Variants in TMEM132B observed in about 807,000 individuals in gnomAD.
TMEM132B encodes the protein transmembrane protein 132B.
A neutral mutation model predicts 90.8 loss-of-function variants in TMEM132B; 18 were observed. That is an observed-to-expected ratio of 0.20 (90% CI 0.14 to 0.29). TMEM132B has a LOEUF of 0.29. Among genes scored for constraint, TMEM132B ranks in the 10% least tolerant of loss-of-function variants. The probability of loss-of-function intolerance (pLI) is 1.00; values close to 1 mark genes in which losing one functional copy is unlikely to be tolerated. For synonymous variants in TMEM132B, 504 were observed against 523.3 expected (o/e 0.96, Z 0.50); for missense variants, 1,096 against 1,326.8 (o/e 0.83, Z 2.70).
Position 125,232,684 on chromosome 12 carries a change from C to G in TMEM132B, c.67+45818C>G, listed in dbSNP as rs1275695510. 5.3e-5 allele frequency among the ~76,000 whole-genome samples: 8 copies of G among 152,280 alleles called. No homozygotes were observed. In the East Asian group the frequency reaches 7.7e-4, roughly 15 times the overall value. On this transcript the variant is annotated intron_variant, in intron 1 of 8. Coordinates refer to ENST00000682704, the MANE Select transcript of TMEM132B (RefSeq NM_001366854.1). The stretch of plus-strand genomic sequence containing the variant: ...CAAAGTCACATTGTGCATTTTTTCT[C>G]TCTCATAAATGTGTAAGTAGCTCTC...
intron 1 of TMEM132B, among the ~76,000 whole-genome samples, chr12:125,189,264 T>C (rs1161679759): frequency 2.6e-5 from 4 of 152,232 alleles, no homozygotes; most frequent in Non-Finnish European, 4.4e-5. Flanking sequence ...TCGAGCCACT[T>C]TTGTACATGC....
At chr12:125,494,312 GC>G (rs1882456711) in intron 3 of TMEM132B, among the ~76,000 whole-genome samples, 1 of 71,578 alleles carries the variant, frequency 1.4e-5, no homozygotes, top group Non-Finnish European at 2.6e-5. Context: ...AAATGGCCAC[GC>G]CCCTCCTCCC....
chr12:125,350,428 A>G, intron 2 of TMEM132B, 85 bp downstream of exon 2: 5 of 1,446,058 alleles, frequency 3.5e-6, no homozygotes, highest in Admixed American at 2.2e-5. Context: ...GGTGTTGATC[A>G]TTTGCTGACT....
At chr12:125,346,068 G>T (rs377063200) in intron 1 of TMEM132B, among the ~76,000 whole-genome samples, 26 of 152,282 alleles carry the variant, frequency 1.7e-4, no homozygotes, top group African/African-American at 6.3e-4. Context: ...TGACGTTTAT[G>T]GCTTTCCATA....
intron 1 of TMEM132B, among the ~76,000 whole-genome samples, chr12:125,319,748 C>G (rs1320030138): frequency 6.6e-6 from 1 of 152,128 alleles, no homozygotes; most frequent in Non-Finnish European, 1.5e-5. Context: ...GGTGTAGTGG[C>G]TCACACCTGT....
chr12:125,186,386 ACT>A lies in TMEM132B; in HGVS notation c.-408_-407del, dbSNP rs1218268956. 7.1e-6 allele frequency among the ~76,000 whole-genome samples: 1 copy of A among 140,830 alleles called. No homozygotes were observed. Among genetic ancestry groups the A allele is most frequent in the African/African-American group, 2.6e-5 (1 of 38,708 alleles). 92.4% of individuals were successfully genotyped at this position (140,830 alleles called of 152,430 possible). Reference sequence around the variant, plus strand: ...CCCCCCGGCGCTCGCTCGCTCGCTCACTCTCTCGCTGGCTCGAGGGGCGGCCG... The same window carrying A: ...CCCCCCGGCGCTCGCTCGCTCGCTCACTCTCGCTGGCTCGAGGGGCGGCCG... On this transcript the variant is annotated 5_prime_UTR_variant, in exon 1 of 9. Coordinates refer to ENST00000682704, the MANE Select transcript of TMEM132B (RefSeq NM_001366854.1). This position sits in a 1 kb window ranked among gnomAD's most constrained non-coding sequence, Gnocchi z 6.3.
Position 125,408,848 on chromosome 12 carries a change from T to G in TMEM132B, c.960-6683T>G, listed in dbSNP as rs2136335637. On this transcript the variant is annotated intron_variant, in intron 2 of 8. Coordinates refer to ENST00000682704, the MANE Select transcript of TMEM132B (RefSeq NM_001366854.1). This position sits in a 1 kb window ranked among gnomAD's most constrained non-coding sequence, Gnocchi z 5.9. Reference sequence around the variant, plus strand: ...CACTCATTCCAGCAATGTTCACGAGTCCCAGTCACTCCATGACCAGGCCAC... The same window carrying G: ...CACTCATTCCAGCAATGTTCACGAGGCCCAGTCACTCCATGACCAGGCCAC... Among the ~76,000 whole-genome samples, 1 of 152,250 alleles carries G rather than the reference T, an allele frequency of 6.6e-6. No individual in the cohort carries two copies. Among genetic ancestry groups the G allele is most frequent in the African/African-American group, 2.4e-5 (1 of 41,550 alleles).
chr12:125,454,320 C>T (rs759571903), intron 3 of TMEM132B, among the ~76,000 whole-genome samples: 16 of 151,974 alleles, frequency 1.1e-4, no homozygotes, highest in Non-Finnish European at 2.1e-4. Flanking sequence ...TGAACCTATA[C>T]ATGGCAACAG....
At chr12:125,444,668 G>A (rs763793452) in intron 3 of TMEM132B, among the ~76,000 whole-genome samples, 6 of 152,166 alleles carry the variant, frequency 3.9e-5, no homozygotes, top group Non-Finnish European at 5.9e-5. Flanking sequence ...GAGATGGTCG[G>A]TTTTATGTGT....
intron 1 of TMEM132B, among the ~76,000 whole-genome samples, chr12:125,322,967 G>A (rs1305104857): frequency 2.6e-5 from 4 of 151,914 alleles, no homozygotes; most frequent in Admixed American, 6.6e-5. Context: ...AGTACTGTTC[G>A]GTACCTTGTT....
intron 2 of TMEM132B, among the ~76,000 whole-genome samples, chr12:125,396,206 T>C (rs1879165045): frequency 6.6e-6 from 1 of 152,218 alleles, no homozygotes; most frequent in African/African-American, 2.4e-5. Context: ...TTAATCTTTC[T>C]GGTCTTATGT....
chr12:125,409,562 GGAGTGGAGT>G (rs1238961914), intron 2 of TMEM132B, among the ~76,000 whole-genome samples: 45 of 150,504 alleles, frequency 3.0e-4, no homozygotes, highest in African/African-American at 1.1e-3. Context: ...TGTGGACAGT[GGAGTGGAGT>G]GAGTGGAGTG....
chr12:125,442,406 A>T (rs1182196024), intron 3 of TMEM132B, among the ~76,000 whole-genome samples: 3 of 152,314 alleles, frequency 2.0e-5, no homozygotes, highest in Admixed American at 2.0e-4. Flanking sequence ...GTTATTTAAA[A>T]TTACCATTTT....
chr12:125,398,086 C>T (rs1273421756), intron 2 of TMEM132B, among the ~76,000 whole-genome samples: 2 of 152,112 alleles, frequency 1.3e-5, no homozygotes, highest in African/African-American at 4.8e-5. Flanking sequence ...TGGGGGCAGG[C>T]AGGGGTGGGC....
chr12:125,496,053 C>T (rs1193870354), intron 3 of TMEM132B, among the ~76,000 whole-genome samples: 1 of 152,186 alleles, frequency 6.6e-6, no homozygotes, highest in Non-Finnish European at 1.5e-5. Flanking sequence ...GTCATGTCCT[C>T]CTGGAATCGC....
intron 3 of TMEM132B, among the ~76,000 whole-genome samples, chr12:125,499,532 C>A (rs1882642175): frequency 6.6e-6 from 1 of 152,164 alleles, no homozygotes; most frequent in African/African-American, 2.4e-5. Flanking sequence ...AGATTCCTAT[C>A]CCAGAAAAGC....
rs929656436 is a variant in TMEM132B, at chr12:125,251,116, A to G, written c.67+64250A>G. 6.6e-6 allele frequency among the ~76,000 whole-genome samples: 1 copy of G among 152,228 alleles called. No individual in the cohort carries two copies. Among genetic ancestry groups the G allele is most frequent in the Admixed American group, 6.5e-5 (1 of 15,284 alleles). ...TGGCATCCCCTTTGATTTCTTCAGT[A>G]GGACATCATCCTTCAATAGGGCAGA... On this transcript the variant is annotated intron_variant, in intron 1 of 8. Transcript: ENST00000682704. The surrounding 1 kb of genome is among the most constrained non-coding windows in gnomAD (Gnocchi z 4.4).
At chr12:125,628,818 T>G (rs1185392358) in intron 5 of TMEM132B, among the ~76,000 whole-genome samples, 2 of 152,148 alleles carry the variant, frequency 1.3e-5, no homozygotes, top group African/African-American at 4.8e-5. Context: ...TTTGATTTGA[T>G]TTTTGTATAT....
chr12:125,577,068 C>T (rs1020333808), intron 4 of TMEM132B, among the ~76,000 whole-genome samples: 2 of 151,168 alleles, frequency 1.3e-5, no homozygotes. Flanking sequence ...TAATATTACT[C>T]TTTCTTCAAT....
Sources: gnomAD v4.1 joint callset for allele counts (sites outside exome capture counted in the v4.1 genomes callset) on GRCh38, gnomAD v4.1.1 for gene constraint, Gnocchi (gnomAD v3.1) non-coding constraint, MANE v1.5 for transcripts, NCBI Gene and HGNC (gene_info 2026-07-23, HGNC 2026-07-21) for gene names.